The following PURG variants were observed in gnomAD, a reference collection of about 807,000 sequenced individuals.
PURG encodes purine rich element binding protein G.
Under a neutral mutation model 24.3 loss-of-function variants are expected in PURG, and 3 were observed. The ratio of observed to expected loss-of-function variants is 0.12; its 90% CI spans 0.06 to 0.32. The LOEUF (loss-of-function observed/expected upper bound fraction) is 0.32. Among genes scored for constraint, PURG ranks in the 10% least tolerant of loss-of-function variants. PURG has a pLI of 1.00. For missense variants in PURG, 371 were observed against 439.1 expected, an observed-to-expected ratio of 0.84 and a Z score of 1.39; for synonymous variants, 180 against 173.1, an observed-to-expected ratio of 1.04 and a Z score of -0.31.
rs1049534536 is a variant in PURG at position 31,021,671 on chromosome 8, C to A, written c.864+10248G>T. Among the ~76,000 whole-genome samples the A allele has an allele frequency of 4.6e-5, 7 of 152,090 alleles. No homozygotes were observed. The East Asian group carries it at 1.3e-3, about 29-fold the overall frequency. On this transcript the variant is annotated intron_variant, in intron 1 of 1. Transcript: ENST00000339382. ...TAGGAAATCTGAAAGGCAGTTTGGC[C>A]TAACTGAACGGGCACAATCGTTGGC... is the stretch of plus-strand genomic sequence containing the variant.
In PURG at chr8:31,031,415, T is replaced by A. The variant is rs1240092003; in HGVS notation, c.*324A>T. ...AAGTATATGTATCTTTTTTCGGGATTATGTCATAGTGCAATGTAAATCTTA... is the reference window on the plus strand; with the variant it reads ...AAGTATATGTATCTTTTTTCGGGATAATGTCATAGTGCAATGTAAATCTTA... On this transcript the variant is annotated 3_prime_UTR_variant, in exon 2 of 2. Transcript: ENST00000523392. 1 of 235,310 alleles carries A rather than the reference T, an allele frequency of 4.2e-6. No homozygotes were observed. The highest frequency in any genetic ancestry group is 8.3e-6 in the Non-Finnish European group (1 of 120,748). The allele number at this position is 235,310 out of a possible 1,614,324, so 14.6% of individuals were successfully genotyped here.
intron 1 of PURG, among the ~76,000 whole-genome samples, chr8:31,010,213 C>T (rs886945691): frequency 2.6e-5 from 4 of 152,216 alleles, no homozygotes; most frequent in Admixed American, 6.5e-5. Flanking sequence ...ATCCTCTAAA[C>T]GATATCACTT....
intron 1 of PURG, among the ~76,000 whole-genome samples, chr8:30,999,441 G>A (rs1301677579): frequency 6.6e-6 from 1 of 151,782 alleles, no homozygotes; most frequent in Non-Finnish European, 1.5e-5. Context: ...GGATAGAGGA[G>A]GAAAGCTAAA....
intron 1 of PURG, among the ~76,000 whole-genome samples, chr8:31,016,944 T>A (rs946868012): frequency 2.6e-5 from 4 of 152,110 alleles, no homozygotes; most frequent in African/African-American, 9.7e-5. Flanking sequence ...AGAGGCATAG[T>A]GGAGATGCTC....
In PURG at chr8:31,023,327, T is replaced by C. The variant is rs1418235935; in HGVS notation, c.864+8592A>G. On this transcript the variant is annotated intron_variant, in intron 1 of 1. Transcript: ENST00000339382. ...ACAGAAACTTTTGAAATTAGCAAAA[T>C]ACACATGCATATGCACTTGAAAATA... is the stretch of plus-strand genomic sequence containing the variant. Among the ~76,000 whole-genome samples, 3 of 152,136 alleles carry C rather than the reference T, an allele frequency of 2.0e-5. No individual in the cohort carries two copies. In the South Asian group the frequency reaches 6.2e-4, roughly 32 times the overall value.
At chr8:31,012,079 C>T (rs1184984239) in intron 1 of PURG, among the ~76,000 whole-genome samples, 2 of 152,134 alleles carry the variant, frequency 1.3e-5, no homozygotes, top group Non-Finnish European at 1.5e-5. Context: ...AACAGGAATG[C>T]TGGTGATTAA....
Position 31,006,165 on chromosome 8 carries a change from A to G in PURG, c.865-9468T>C, listed in dbSNP as rs920553437. 9.2e-5 allele frequency among the ~76,000 whole-genome samples: 14 copies of G among 152,254 alleles called. 1 individual carries two copies. ...AGCCAATGAATTCCCAGTTTCCTAC[A>G]GAAATAACTTTATTACACTACCTGA... On this transcript the variant is annotated intron_variant, in intron 1 of 1. Transcript: ENST00000339382.
intron 1 of PURG, among the ~76,000 whole-genome samples, chr8:31,013,357 A>C (rs75894853): frequency 1.3e-5 from 2 of 152,358 alleles, no homozygotes; most frequent in Non-Finnish European, 2.9e-5. Flanking sequence ...TTCTAAGTTT[A>C]ATATAATAAT....
chr8:31,029,592 T>C (rs567313763), downstream of PURG, among the ~76,000 whole-genome samples: 1 of 151,808 alleles, frequency 6.6e-6, no homozygotes, highest in East Asian at 1.9e-4. Flanking sequence ...TTAGACCTAA[T>C]GGATATAAAT....
At chr8:31,006,096 C>A (rs893473008) in intron 1 of PURG, among the ~76,000 whole-genome samples, 2 of 152,256 alleles carry the variant, frequency 1.3e-5, no homozygotes, top group Non-Finnish European at 2.9e-5. Context: ...ATATAAGGGG[C>A]CACTCGTTCA....
chr8:31,004,091 T>C (rs11776713), intron 1 of PURG, among the ~76,000 whole-genome samples: 56,338 of 152,164 alleles, frequency 0.37, 12,852 homozygotes, highest in East Asian at 0.7. Context: ...CAGTATAATC[T>C]TTGCTTAAAT....
At chr8:31,013,801 G>C (rs529559238) in intron 1 of PURG, among the ~76,000 whole-genome samples, 20 of 152,290 alleles carry the variant, frequency 1.3e-4, no homozygotes, top group African/African-American at 4.6e-4. Flanking sequence ...TGAAAATTGA[G>C]GGGAGGTTAA....
chr8:31,028,922 C>T (rs1811138881), downstream of PURG, among the ~76,000 whole-genome samples: 1 of 151,802 alleles, frequency 6.6e-6, no homozygotes, highest in Non-Finnish European at 1.5e-5. Flanking sequence ...AACTTTCATG[C>T]TCATTTTTTA....
At chr8:31,005,798 T>C (rs1487669053) in intron 1 of PURG, among the ~76,000 whole-genome samples, 2 of 151,158 alleles carry the variant, frequency 1.3e-5, no homozygotes, top group Non-Finnish European at 3.0e-5. Flanking sequence ...TTTCAAAACT[T>C]CTCCCTTCAA....
At position 31,032,079 on chromosome 8, in the gene PURG, G is replaced by A. The variant is rs1343624676; in HGVS notation, c.704C>T (p.Ala235Val). The change falls in exon 2 of 2, where the codon GCC (alanine) becomes GTC (valine). Residue 235 changes from alanine to valine, a missense_variant. This residue lies in a region of PURG where 5 missense variants were observed against 24.1 expected (regional missense o/e 0.21). Transcript: ENST00000523392. The surrounding 1 kb of genome is among the most constrained non-coding windows in gnomAD (Gnocchi z 5.9). The part of the protein sequence containing the change: ...PAQGMIEFRD[A>V]LVQLIEDYGE... ...ATAGTCTTCAATCAGCTGAACCAAG[G>A]CATCACGAAACTCAATCATTCCTTG... 2 of 1,614,164 alleles carry A rather than the reference G, an allele frequency of 1.2e-6. No homozygotes were observed. The highest frequency in any genetic ancestry group is 1.7e-6 in the Non-Finnish European group (2 of 1,180,030).
At chr8:31,003,409 G>A (rs1388092863) in intron 1 of PURG, among the ~76,000 whole-genome samples, 2 of 151,120 alleles carry the variant, frequency 1.3e-5, no homozygotes, top group African/African-American at 4.8e-5. Flanking sequence ...TCCCACTGAA[G>A]TGATATAAGC....
At chr8:31,014,751 G>T (rs1256219870) in intron 1 of PURG, among the ~76,000 whole-genome samples, 1 of 152,108 alleles carries the variant, frequency 6.6e-6, no homozygotes, top group East Asian at 1.9e-4. Flanking sequence ...ATGTAGACAG[G>T]AAAAAGCCAA....
intron 1 of PURG, among the ~76,000 whole-genome samples, chr8:31,006,535 C>A (rs1180519770): frequency 6.6e-6 from 1 of 151,992 alleles, no homozygotes; most frequent in African/African-American, 2.4e-5. Context: ...AAAACAAAAA[C>A]AAAAACAAAA....
intron 1 of PURG, among the ~76,000 whole-genome samples, chr8:31,015,842 G>C (rs1288863419): frequency 6.6e-6 from 1 of 151,874 alleles, no homozygotes; most frequent in Non-Finnish European, 1.5e-5. Context: ...CTTGAGCCCA[G>C]GACTTTAACA....
Sources: gnomAD v4.1 joint callset for allele counts (sites outside exome capture counted in the v4.1 genomes callset) on GRCh38, gnomAD v4.1.1 for gene constraint, gnomAD v4.1.1 regional missense constraint, Gnocchi (gnomAD v3.1) non-coding constraint, MANE v1.5 for transcripts, NCBI Gene and HGNC (gene_info 2026-07-23, HGNC 2026-07-21) for gene names.